CLPSL1: variants seen among roughly 807,000 people sequenced by gnomAD.
CLPSL1 encodes colipase-like protein 1.
A neutral mutation model predicts 9.3 loss-of-function variants in CLPSL1; 13 were observed. The ratio of observed to expected loss-of-function variants is 1.40; its 90% confidence interval spans 0.91 to 2.22. The LOEUF (loss-of-function observed/expected upper bound fraction) is 2.22, where lower values mean the gene tolerates loss of function less well. Ranked by LOEUF, CLPSL1 falls within the 30% of genes most tolerant of loss-of-function variation. CLPSL1 has a pLI of 0.00. For missense variants in CLPSL1, 164 were observed against 146.6 expected, an observed-to-expected ratio of 1.12 and a Z score of -0.61; for synonymous variants, 58 against 56.9, an observed-to-expected ratio of 1.02 and a Z score of -0.08.
At chr6:35,785,199 A>C (rs1213498326) in intron 1 of CLPSL1, among the ~76,000 whole-genome samples, 3 of 108,782 alleles carry the variant, frequency 2.8e-5, no homozygotes, top group African/African-American at 7.9e-5. Context: ...TTTTTTTGAG[A>C]CAGAGTCTCG....
chr6:35,785,507 T>C (rs1441020996), intron 1 of CLPSL1, among the ~76,000 whole-genome samples: 2 of 152,056 alleles, frequency 1.3e-5, no homozygotes, highest in Non-Finnish European at 2.9e-5. Context: ...TCCTCCATTT[T>C]TTCTCTTAAT....
downstream of CLPSL1, among the ~76,000 whole-genome samples, chr6:35,789,333 A>T (rs895022368): frequency 5.3e-5 from 8 of 152,266 alleles, no homozygotes; most frequent in Non-Finnish European, 8.8e-5. Context: ...CCAAGAAGAC[A>T]CCTTGGGGAA....
At chr6:35,782,840 G>T (rs1247800341) in intron 1 of CLPSL1, among the ~76,000 whole-genome samples, 2 of 152,200 alleles carry the variant, frequency 1.3e-5, no homozygotes, top group African/African-American at 4.8e-5. Context: ...GGCAAGGATG[G>T]AAGCAGGGAG....
At chr6:35,783,054 CT>C (rs1767996687) in intron 1 of CLPSL1, among the ~76,000 whole-genome samples, 1 of 152,116 alleles carries the variant, frequency 6.6e-6, no homozygotes, top group Non-Finnish European at 1.5e-5. Context: ...TGCAGACCCC[CT>C]CATCACTACC....
At position 35,781,337 on chromosome 6, in the gene CLPSL1, G is replaced by A. The variant is rs561563439; in HGVS notation, c.99+128G>A. On this transcript the variant is annotated intron_variant, in intron 1 of 2. Coordinates refer to ENST00000373861, the MANE Select transcript of CLPSL1 (RefSeq NM_001010886.5). ...GAAGTGGGGGCAGCAGGGAGTGTTGGGTGGAAGATGTCTCGGAGGAAAGAG... is the reference window on the plus strand; with the variant it reads ...GAAGTGGGGGCAGCAGGGAGTGTTGAGTGGAAGATGTCTCGGAGGAAAGAG... 5.5e-4 allele frequency: 749 copies of A among 1,365,492 alleles called. 5 individuals carry two copies. Among genetic ancestry groups the A allele is most frequent in the Middle Eastern group, 2.1e-3 (8 of 3,890 alleles). The allele number at this position is 1,365,492 out of a possible 1,614,324, so 84.6% of individuals were successfully genotyped here.
At chr6:35,787,651 G>T (rs548674437) in intron 2 of CLPSL1, among the ~76,000 whole-genome samples, 235 of 152,158 alleles carry the variant, frequency 1.5e-3, no homozygotes, top group African/African-American at 5.6e-3. Context: ...GACAGGCAGG[G>T]TTACAAGGTC....
At chr6:35,787,153 G>C in intron 2 of CLPSL1, 33 bp downstream of exon 2, 2 of 1,607,328 alleles carry the variant, frequency 1.2e-6, no homozygotes, top group Non-Finnish European at 1.7e-6. Flanking sequence ...AGCCAGAGGG[G>C]ATCCAGGGGA....
At chr6:35,790,113 G>A (rs903578203), downstream of CLPSL1, among the ~76,000 whole-genome samples, 3 of 152,154 alleles carry the variant, frequency 2.0e-5, no homozygotes, top group Admixed American at 6.5e-5. Context: ...TTTTTGTAGA[G>A]ATGGGGAGGG....
At chr6:35,789,811 T>A (rs1768153140), downstream of CLPSL1, among the ~76,000 whole-genome samples, 3 of 152,180 alleles carry the variant, frequency 2.0e-5, no homozygotes, top group African/African-American at 7.2e-5. Flanking sequence ...GGAGAATCAC[T>A]TGAACCTGGG....
chr6:35,788,156 T>C, downstream of CLPSL1: 1 of 451,648 alleles, frequency 2.2e-6, no homozygotes. Context: ...CAATGTTTGC[T>C]GCCCACAGAG....
At chr6:35,787,823 A>G in intron 2 of CLPSL1, 44 bp from the exon 3 acceptor site, 2 of 1,583,266 alleles carry the variant, frequency 1.3e-6, no homozygotes, top group Non-Finnish European at 1.7e-6. Context: ...GGGCTCAGGG[A>G]AGAGCTGCCG....
At chr6:35,781,737 T>TTTTTTC (rs1561938909) in intron 1 of CLPSL1, among the ~76,000 whole-genome samples, 4 of 140,918 alleles carry the variant, frequency 2.8e-5, no homozygotes, top group Non-Finnish European at 6.2e-5. Flanking sequence ...TGTTTTTTTT[T>TTTTTTC]TTTTTCTTTT....
At chr6:35,790,479 A>G (rs1768165019), downstream of CLPSL1, among the ~76,000 whole-genome samples, 1 of 152,266 alleles carries the variant, frequency 6.6e-6, no homozygotes, top group African/African-American at 2.4e-5. Flanking sequence ...AAACCGATAA[A>G]AGAGAAATGA....
downstream of CLPSL1, among the ~76,000 whole-genome samples, chr6:35,790,365 T>C (rs9470096): frequency 0.16 from 23,526 of 148,042 alleles, 7 homozygotes; most frequent in East Asian, 0.24. Context: ...AGAAAGGGAG[T>C]TGGGGAAGAT....
intron 1 of CLPSL1, among the ~76,000 whole-genome samples, chr6:35,785,794 A>T (rs985932516): frequency 9.2e-5 from 14 of 152,116 alleles, no homozygotes; most frequent in Non-Finnish European, 4.4e-5. Context: ...TACAAAAAAT[A>T]AAAAAATTAG....
exon 2 of CLPSL1, chr6:35,793,516 C>T (rs545536231): frequency 1.1e-5 from 5 of 471,770 alleles, no homozygotes; most frequent in East Asian, 1.4e-4. Flanking sequence ...TTCCTGCCTT[C>T]GAATACGGTG....
At chr6:35,787,171 G>A in intron 2 of CLPSL1, 51 bp downstream of exon 2, 1 of 1,591,902 alleles carries the variant, frequency 6.3e-7, no homozygotes, top group Non-Finnish European at 8.6e-7. Flanking sequence ...GGAAGTGGGA[G>A]CCAGGGCGGG....
At chr6:35,787,807 G>T in intron 2 of CLPSL1, 60 bp from the exon 3 acceptor site, 2 of 1,549,186 alleles carry the variant, frequency 1.3e-6, no homozygotes, top group Non-Finnish European at 1.8e-6. Flanking sequence ...GCTGGGCTGG[G>T]CTTAGGGGCT....
chr6:35,784,245 C>T (rs190743727), intron 1 of CLPSL1, among the ~76,000 whole-genome samples: 2 of 152,198 alleles, frequency 1.3e-5, no homozygotes, highest in Admixed American at 1.3e-4. Flanking sequence ...GGTTGAACAG[C>T]TATTATCAGC....
Sources: gnomAD v4.1 joint callset for allele counts (sites outside exome capture counted in the v4.1 genomes callset) on GRCh38, gnomAD v4.1.1 for gene constraint, MANE v1.5 for transcripts, NCBI Gene and HGNC (gene_info 2026-07-23, HGNC 2026-07-21) for gene names.